Variants in AKAP19 observed in about 807,000 individuals in gnomAD.
The protein encoded by AKAP19 is A-kinase anchoring protein 19.
chr2:190,135,147 G>A, the AKAP19 span, among the ~76,000 whole-genome samples: 3 of 152,148 alleles, frequency 2.0e-5, no homozygotes, highest in Admixed American at 1.3e-4. Flanking sequence ...AATAATTTTA[G>A]GGTGATTGAA....
At chr2:189,954,493 T>C in the AKAP19 span, among the ~76,000 whole-genome samples, 7 of 152,344 alleles carry the variant, frequency 4.6e-5, no homozygotes, top group South Asian at 8.3e-4. Context: ...TAGTGTTCCA[T>C]TAATGGAATG....
At chr2:189,943,698 G>A in the AKAP19 span, among the ~76,000 whole-genome samples, 2 of 152,224 alleles carry the variant, frequency 1.3e-5, no homozygotes, top group South Asian at 2.1e-4. Context: ...AGCCATGGGG[G>A]CTGAACCCTG....
the AKAP19 span, among the ~76,000 whole-genome samples, chr2:189,950,744 C>T: frequency 6.6e-6 from 1 of 152,142 alleles, no homozygotes; most frequent in Non-Finnish European, 1.5e-5. Context: ...CTCTATTTTA[C>T]ATTACTTTTC....
the AKAP19 span, among the ~76,000 whole-genome samples, chr2:189,880,927 A>G: frequency 6.6e-6 from 1 of 152,182 alleles, no homozygotes; most frequent in Non-Finnish European, 1.5e-5. Flanking sequence ...ATGTTCATGG[A>G]TTTATAGTGG....
chr2:190,196,531 T>C, the AKAP19 span, among the ~76,000 whole-genome samples: 2 of 151,964 alleles, frequency 1.3e-5, no homozygotes, highest in African/African-American at 4.8e-5. Context: ...TCTTTTTTTT[T>C]TTTTTCCCTT....
At chr2:189,952,675 A>C in the AKAP19 span, among the ~76,000 whole-genome samples, 2 of 152,236 alleles carry the variant, frequency 1.3e-5, no homozygotes, top group South Asian at 4.1e-4. Flanking sequence ...GATCATTTTG[A>C]AACAGGATAC....
At chr2:189,886,880 C>G in the AKAP19 span, among the ~76,000 whole-genome samples, 1 of 152,070 alleles carries the variant, frequency 6.6e-6, no homozygotes, top group Non-Finnish European at 1.5e-5. Context: ...CAGTTAGAGG[C>G]CTGTTGCAGT....
the AKAP19 span, among the ~76,000 whole-genome samples, chr2:190,144,260 AG>A: frequency 3.4e-5 from 5 of 147,908 alleles, no homozygotes; most frequent in South Asian, 1.1e-3. Flanking sequence ...AAAAAAAAAA[AG>A]AGTTTTTGAG....
chr2:190,022,964 A>G, the AKAP19 span, among the ~76,000 whole-genome samples: 6 of 152,160 alleles, frequency 3.9e-5, no homozygotes, highest in African/African-American at 1.4e-4. Context: ...AAGAGGTGAT[A>G]TCTTAACTGA....
chr2:190,186,521 A>C, the AKAP19 span, among the ~76,000 whole-genome samples: 2 of 152,306 alleles, frequency 1.3e-5, no homozygotes, highest in African/African-American at 4.8e-5. The surrounding 1 kb of genome is among the most constrained non-coding windows in gnomAD (Gnocchi z 5.5). Flanking sequence ...TCCCTACAGT[A>C]GTGTTCTTTC....
chr2:190,116,289 C>T, the AKAP19 span, among the ~76,000 whole-genome samples: 1 of 152,298 alleles, frequency 6.6e-6, no homozygotes, highest in African/African-American at 2.4e-5. Context: ...CAAGGAACTG[C>T]ATCTGGTGAG....
the AKAP19 span, among the ~76,000 whole-genome samples, chr2:189,978,573 C>G: frequency 2.7e-4 from 41 of 152,266 alleles, no homozygotes; most frequent in African/African-American, 9.9e-4. Flanking sequence ...GCTGAGATTG[C>G]ACCACTGCAC....
At chr2:190,156,379 A>G in the AKAP19 span, among the ~76,000 whole-genome samples, 1 of 152,324 alleles carries the variant, frequency 6.6e-6, no homozygotes, top group Non-Finnish European at 1.5e-5. Context: ...TAACCAAGAT[A>G]GGACCTAGAA....
the AKAP19 span, among the ~76,000 whole-genome samples, chr2:189,969,208 G>C: frequency 6.6e-6 from 1 of 152,066 alleles, no homozygotes; most frequent in Non-Finnish European, 1.5e-5. Flanking sequence ...TAGGTCCTTT[G>C]GGAGGTGATC....
At chr2:190,184,241 T>C in the AKAP19 span, among the ~76,000 whole-genome samples, 1 of 152,208 alleles carries the variant, frequency 6.6e-6, no homozygotes, top group East Asian at 1.9e-4. Context: ...GTAACAGATA[T>C]GTGACCCAAA....
At chr2:190,187,832 G>A in the AKAP19 span, among the ~76,000 whole-genome samples, 3 of 152,322 alleles carry the variant, frequency 2.0e-5, no homozygotes, top group South Asian at 2.1e-4. Context: ...CAGCCCAGGC[G>A]ATGGACTGAG....
At chr2:190,040,882 G>A in the AKAP19 span, among the ~76,000 whole-genome samples, 1 of 152,004 alleles carries the variant, frequency 6.6e-6, no homozygotes, top group African/African-American at 2.4e-5. Flanking sequence ...TTGTCTATGC[G>A]TCTGTCTTTG....
the AKAP19 span, among the ~76,000 whole-genome samples, chr2:190,105,098 A>G: frequency 5.9e-3 from 892 of 152,278 alleles, 4 homozygotes; most frequent in African/African-American, 0.02. Flanking sequence ...AAAGAACTTA[A>G]AAGTACTGTT....
chr2:190,039,107 C>G, the AKAP19 span, among the ~76,000 whole-genome samples: 1 of 150,488 alleles, frequency 6.6e-6, no homozygotes, highest in South Asian at 2.1e-4. Context: ...GAGTCTTGCT[C>G]TGTCCCCCAG....
Sources: allele counts gnomAD v4.1 joint callset (sites outside exome capture counted in the v4.1 genomes callset), GRCh38; gene constraint gnomAD v4.1.1; non-coding constraint Gnocchi (gnomAD v3.1); transcripts MANE v1.5; gene names NCBI Gene and HGNC (gene_info 2026-07-23, HGNC 2026-07-21).